BCORL1: variants seen among roughly 807,000 people sequenced by gnomAD.
The protein encoded by BCORL1 is BCL-6 corepressor-like protein 1.
Under a neutral mutation model 87.6 loss-of-function variants are expected in BCORL1, and 7 were observed. The observed-to-expected ratio is 0.08, with a 90% CI of 0.05 to 0.15. The LOEUF is 0.15. BCORL1 is among the 10% of genes least tolerant of loss of function. The pLI is 1.00. For missense variants in BCORL1, 1,215 were observed against 1,499.7 expected (o/e 0.81, Z 3.13); for synonymous variants, 591 against 634.4 (o/e 0.93, Z 1.03).
At chrX:129,982,965 CTTCT>C (rs1261070442) in intron 1 of BCORL1, among the ~76,000 whole-genome samples, 1 of 108,110 alleles carries the variant, frequency 9.2e-6, no homozygotes, top group Non-Finnish European at 1.9e-5. Context: ...CCCCCACCCG[CTTCT>C]TTCTATCTTA....
rs1028147665 is a variant in BCORL1, at chrX:130,015,819, G to A, written c.3047G>A (p.Ser1016Asn). The A allele has an allele frequency of 1.7e-6, 2 of 1,211,921 alleles. No individual in the cohort carries two copies. The highest frequency in any genetic ancestry group is 3.5e-5 in the South Asian group (2 of 56,983). The change falls in exon 4 of 14, where the codon AGC (serine) becomes AAC (asparagine). Residue 1016 changes from serine (S) to asparagine (N), a missense_variant. By Grantham distance (46) the Ser-to-Asn change is conservative. Transcript: ENST00000540052. Reference sequence around the variant, plus strand: ...GAGCTGCCTTTGCTACCTCACGACAGCCACCCCAAGGAACTTATATTGGAC... The same window carrying A: ...GAGCTGCCTTTGCTACCTCACGACAACCACCCCAAGGAACTTATATTGGAC... ...MPELPLLPHD[S>N]HPKELILDVV...
chrX:130,052,754 CTGAT>C (rs2124585062), intron 13 of BCORL1, among the ~76,000 whole-genome samples: 1 of 112,595 alleles, frequency 8.9e-6, no homozygotes, highest in East Asian at 2.8e-4. Flanking sequence ...TTTTTTCCCT[CTGAT>C]TGGTGTCTTC....
At chrX:130,051,444 C>A in intron 12 of BCORL1, among the ~76,000 whole-genome samples, 1 of 112,993 alleles carries the variant, frequency 8.9e-6, no homozygotes, top group Middle Eastern at 4.6e-3. Flanking sequence ...CGCTCAGCCC[C>A]CTCTGGGCTT....
At chrX:130,047,734 G>A (rs1431672925) in intron 11 of BCORL1, among the ~76,000 whole-genome samples, 1 of 111,547 alleles carries the variant, frequency 9.0e-6, no homozygotes, top group Non-Finnish European at 1.9e-5. Flanking sequence ...GTCTCGCCTT[G>A]TAGGAATTCC....
At chrX:130,007,792 C>T (rs372850298) in intron 2 of BCORL1, among the ~76,000 whole-genome samples, 1 of 111,496 alleles carries the variant, frequency 9.0e-6, no homozygotes, top group African/African-American at 3.3e-5. Context: ...AGCAGGACTC[C>T]GTCTCAAAAA....
chrX:130,008,424 C>T (rs751234029), intron 2 of BCORL1, among the ~76,000 whole-genome samples: 1 of 110,767 alleles, frequency 9.0e-6, no homozygotes, highest in South Asian at 3.9e-4. Flanking sequence ...CCACCACACC[C>T]GGCTAATTTT....
At chrX:130,051,798 T>A in intron 12 of BCORL1, 62 bp from the exon 13 acceptor site, 1 of 1,055,756 alleles carries the variant, frequency 9.5e-7, no homozygotes, top group Admixed American at 3.0e-5. Flanking sequence ...GCTTAGCGCA[T>A]TTCTTTTCTT....
chrX:130,016,023 C>T lies in BCORL1; in HGVS notation c.3251C>T (p.Ala1084Val). 1 of 1,211,916 alleles carries T rather than the reference C, an allele frequency of 8.3e-7. No homozygotes were observed. The highest frequency in any genetic ancestry group is 1.1e-6 in the Non-Finnish European group (1 of 895,596). ...CAGAGGGGCCAAGCTGAAGTTCGGG[C>T]TAAGGCCGGGCAGGCTCGAGTGAAA... ...APQRGQAEVR[A>V]KAGQARVKQE... Residue 1084 changes from alanine (A) to valine (V), a missense_variant, in exon 4 of 14, where the codon GCT becomes GTT. By Grantham distance (64) the Ala-to-Val change is moderately conservative. This residue lies in a region of BCORL1 where 861 missense variants were observed against 1,010.0 expected (regional missense o/e 0.85). Coordinates refer to ENST00000540052, the MANE Select transcript of BCORL1 (RefSeq NM_001379451.1).
At chrX:129,985,403 A>C (rs914210568) in intron 1 of BCORL1, among the ~76,000 whole-genome samples, 8 of 111,635 alleles carry the variant, frequency 7.2e-5, no homozygotes, top group African/African-American at 2.0e-4. Flanking sequence ...CTTTAATTGA[A>C]TGGTGATGTC....
At chrX:130,012,885 C>T in intron 3 of BCORL1, 65 bp from the exon 4 acceptor site, 1 of 1,154,984 alleles carries the variant, frequency 8.7e-7, no homozygotes, top group East Asian at 3.0e-5. Context: ...GCCTCTCGGG[C>T]CTCAGGACAC....
chrX:130,030,750 G>C (rs895010517), intron 8 of BCORL1, among the ~76,000 whole-genome samples: 10 of 109,039 alleles, frequency 9.2e-5, no homozygotes, highest in Non-Finnish European at 1.9e-4. Context: ...CCCACACAAA[G>C]GTAACCAGCG....
At chrX:130,028,413 C>T (rs993424062) in intron 7 of BCORL1, among the ~76,000 whole-genome samples, 1 of 110,263 alleles carries the variant, frequency 9.1e-6, no homozygotes, top group African/African-American at 3.3e-5. Context: ...GAGCTGTCTC[C>T]TGCTTGTAGA....
intron 11 of BCORL1, among the ~76,000 whole-genome samples, chrX:130,041,173 C>T (rs1931284283): frequency 9.2e-6 from 1 of 108,536 alleles, no homozygotes; most frequent in South Asian, 4.0e-4. Context: ...GAGTTTGAGA[C>T]CAGCCTGGGC....
chrX:130,037,841 C>T (rs938210242), intron 10 of BCORL1, among the ~76,000 whole-genome samples: 2 of 111,148 alleles, frequency 1.8e-5, no homozygotes, highest in Non-Finnish European at 3.8e-5. Flanking sequence ...CAGTGAGCCG[C>T]GACCATGCCA....
chrX:130,015,108 C>T lies in BCORL1; in HGVS notation c.2336C>T (p.Pro779Leu), dbSNP rs368475246. The change falls in exon 4 of 14, where the codon CCA (proline) becomes CTA (leucine). Residue 779 changes from proline to leucine, a missense_variant. Physicochemically the swap from Pro to Leu is moderately conservative, Grantham distance 98 (BLOSUM62 -3). This residue lies in a region of BCORL1 where 861 missense variants were observed against 1,010.0 expected (regional missense o/e 0.85). Transcript: ENST00000540052. ...AGCCAGGCTGGTGCTGAGGGACAGC[C>T]AAGCACAGTGAAACGATATACTCCA... ...KGSQAGAEGQ[P>L]STVKRYTPAR... The T allele has an allele frequency of 6.6e-6, 8 of 1,212,318 alleles. No homozygotes were observed. The highest frequency in any genetic ancestry group is 8.9e-6 in the Non-Finnish European group (8 of 895,593).
At chrX:130,000,588 G>A (rs1927966331) in intron 1 of BCORL1, among the ~76,000 whole-genome samples, 1 of 112,341 alleles carries the variant, frequency 8.9e-6, no homozygotes, top group South Asian at 3.6e-4. Flanking sequence ...AAGAGAACCA[G>A]ACAGATGTTA....
chrX:130,004,081 G>A (rs1928280399), intron 1 of BCORL1, among the ~76,000 whole-genome samples: 1 of 111,009 alleles, frequency 9.0e-6, no homozygotes, highest in Admixed American at 9.7e-5. Flanking sequence ...CTCAAGGCAA[G>A]CTCATTGGAT....
intron 1 of BCORL1, among the ~76,000 whole-genome samples, chrX:129,999,297 CTTTTTTTTTTTTTT>C (rs1213156086): frequency 1.0e-4 from 4 of 39,091 alleles, no homozygotes; most frequent in African/African-American, 3.4e-4. Context: ...TGAAACACAT[CTTTTTTTTTTTTTT>C]TTTTTTTTTT....
At chrX:130,043,770 ATATATATATATATATTTT>A (rs2067632153) in intron 11 of BCORL1, among the ~76,000 whole-genome samples, 1 of 18,965 alleles carries the variant, frequency 5.3e-5, no homozygotes, top group African/African-American at 4.0e-4. Context: ...ATATATATAT[ATATATATATATATATTTT>A]TTTTTTTTTT....
Sources: allele counts gnomAD v4.1 joint callset (sites outside exome capture counted in the v4.1 genomes callset), GRCh38; gene constraint gnomAD v4.1.1; regional missense constraint gnomAD v4.1.1; transcripts MANE v1.5; gene names NCBI Gene and HGNC (gene_info 2026-07-23, HGNC 2026-07-21).